The following SHANK2 variants were observed in gnomAD, a reference collection of about 807,000 sequenced individuals.
The protein encoded by SHANK2 is SH3 and multiple ankyrin repeat domains 2.
Under a neutral mutation model 133.7 loss-of-function variants are expected in SHANK2, and 43 were observed. That is an observed-to-expected ratio of 0.32 (90% CI 0.25 to 0.41). SHANK2 has a LOEUF of 0.41. Ranked by LOEUF, SHANK2 falls within the 10% of genes least tolerant of loss-of-function variation. SHANK2 has a pLI of 1.00. For missense variants in SHANK2, 1,994 were observed against 2,235.8 expected, an observed-to-expected ratio of 0.89 and a Z score of 2.18; for synonymous variants, 1,017 against 952.8, an observed-to-expected ratio of 1.07 and a Z score of -1.24.
At chr11:71,098,441 T>C (rs1391627651) in intron 6 of SHANK2, among the ~76,000 whole-genome samples, 1 of 152,216 alleles carries the variant, frequency 6.6e-6, no homozygotes, top group African/African-American at 2.4e-5. Context: ...CCCAGCTCTT[T>C]CCCTGAAGGG....
At position 70,534,333 on chromosome 11, in the gene SHANK2, C is replaced by T. The variant is rs192972093; in HGVS notation, c.2062-31402G>A. 4.6e-4 allele frequency among the ~76,000 whole-genome samples: 70 copies of T among 152,312 alleles called. 2 individuals are homozygous for T. The highest frequency in any genetic ancestry group is 2.5e-3 in the Admixed American group (38 of 15,300). On this transcript the variant is annotated intron_variant, in intron 17 of 25. Transcript: ENST00000601538. ...AACCATCAGATCTTGTGAAAATTCA[C>T]TCACTATCATGAGAACAGCATGAAG...
chr11:70,922,103 C>T (rs977387235), intron 10 of SHANK2, among the ~76,000 whole-genome samples: 3 of 152,136 alleles, frequency 2.0e-5, no homozygotes, highest in Non-Finnish European at 4.4e-5. Flanking sequence ...GGGAATCAAT[C>T]GTAAACTCTA....
chr11:71,086,448 T>C lies in SHANK2; in HGVS notation c.912+5974A>G, dbSNP rs1459589027. On this transcript the variant is annotated intron_variant, in intron 8 of 25. Transcript: ENST00000601538. ...TATTATATATTTATAATTTATATAT[T>C]ATATTATATATAATTATGTAATATA... Among the ~76,000 whole-genome samples the C allele has an allele frequency of 2.2e-5, 3 of 134,178 alleles. No individual in the cohort carries two copies. The Admixed American group carries it at 2.5e-4, about 11-fold the overall frequency. The allele number at this position is 134,178 out of a possible 152,430, so 88.0% of individuals were successfully genotyped here. A position where few individuals can be genotyped will look rare whatever the true frequency, so the allele number is the denominator to read the frequency against.
chr11:71,140,455 C>T (rs1952533170), intron 3 of SHANK2, among the ~76,000 whole-genome samples: 1 of 152,206 alleles, frequency 6.6e-6, no homozygotes, highest in African/African-American at 2.4e-5. Flanking sequence ...CCAAGGAAAG[C>T]GTCAAACAGG....
At chr11:71,123,424 G>A (rs1952115132) in intron 3 of SHANK2, among the ~76,000 whole-genome samples, 2 of 152,204 alleles carry the variant, frequency 1.3e-5, no homozygotes, top group Admixed American at 1.3e-4. Context: ...GCTTGGTAAG[G>A]AGCACACATC....
intron 8 of SHANK2, among the ~76,000 whole-genome samples, chr11:71,078,762 C>T (rs1213621213): frequency 1.3e-5 from 2 of 152,214 alleles, no homozygotes; most frequent in Non-Finnish European, 2.9e-5. Flanking sequence ...CACCCTTTTC[C>T]TAGCAATTCC....
At chr11:71,119,396 A>G (rs1370762942) in intron 3 of SHANK2, among the ~76,000 whole-genome samples, 2 of 152,128 alleles carry the variant, frequency 1.3e-5, no homozygotes, top group Non-Finnish European at 2.9e-5. Context: ...CCTAGCCAAC[A>G]TGGCGAAACC....
At chr11:70,643,455 T>C (rs2061214606) in intron 17 of SHANK2, among the ~76,000 whole-genome samples, 1 of 150,910 alleles carries the variant, frequency 6.6e-6, no homozygotes, top group East Asian at 2.0e-4. Context: ...TCCCAGCTCC[T>C]CAGGAGGCTG....
intron 17 of SHANK2, among the ~76,000 whole-genome samples, chr11:70,578,944 C>T (rs2060150956): frequency 6.6e-6 from 1 of 152,214 alleles, no homozygotes. Flanking sequence ...AGCGCATTCC[C>T]ACACACCTCA....
chr11:70,498,936 T>C (rs1024255340), intron 21 of SHANK2, among the ~76,000 whole-genome samples: 1 of 152,162 alleles, frequency 6.6e-6, no homozygotes, highest in Non-Finnish European at 1.5e-5. Context: ...TCTACAAGGA[T>C]CCTATTTCCA....
intron 11 of SHANK2, among the ~76,000 whole-genome samples, chr11:70,855,972 T>C (rs904014683): frequency 1.3e-5 from 2 of 151,790 alleles, no homozygotes; most frequent in Non-Finnish European, 2.9e-5. Context: ...AAGAAATGGA[T>C]AGATGAATAG....
chr11:70,863,313 T>C (rs782651663), intron 11 of SHANK2: 15 of 458,058 alleles, frequency 3.3e-5, no homozygotes, highest in African/African-American at 2.2e-4. Context: ...CCTGAGCTGA[T>C]GGCACAACTG....
At chr11:71,225,039 G>T (rs1331287854) in intron 1 of SHANK2, among the ~76,000 whole-genome samples, 1 of 152,190 alleles carries the variant, frequency 6.6e-6, no homozygotes, top group East Asian at 1.9e-4. Flanking sequence ...ACCAGCCAGG[G>T]ACATGGTGTG....
At chr11:71,072,450 C>T (rs939135632) in intron 9 of SHANK2, among the ~76,000 whole-genome samples, 22 of 152,212 alleles carry the variant, frequency 1.4e-4, no homozygotes, top group Non-Finnish European at 2.9e-4. Flanking sequence ...GATACATTCA[C>T]GTCCTGCTCT....
chr11:71,249,485 A>G (rs550331410), intron 1 of SHANK2, among the ~76,000 whole-genome samples: 43 of 152,152 alleles, frequency 2.8e-4, no homozygotes, highest in Non-Finnish European at 4.4e-4. Flanking sequence ...TGCTGCCCCA[A>G]GGAGGGGCCC....
chr11:70,774,317 G>T (rs1555043448), intron 14 of SHANK2, among the ~76,000 whole-genome samples: 1 of 150,868 alleles, frequency 6.6e-6, no homozygotes, highest in African/African-American at 2.4e-5. Context: ...AAATCGGGGA[G>T]TGACTTTTGT....
At chr11:70,914,821 T>G (rs1236352744) in intron 10 of SHANK2, among the ~76,000 whole-genome samples, 3 of 150,298 alleles carry the variant, frequency 2.0e-5, no homozygotes, top group Admixed American at 2.0e-4. Context: ...AGCCTAGGAA[T>G]TTGAGAATTT....
At chr11:70,538,215 T>C (rs2136011007) in intron 17 of SHANK2, among the ~76,000 whole-genome samples, 1 of 152,330 alleles carries the variant, frequency 6.6e-6, no homozygotes, top group African/African-American at 2.4e-5. Flanking sequence ...CAGCCCTGCC[T>C]GTGGACATAG....
chr11:71,222,741 G>A (rs1954574044), intron 2 of SHANK2, among the ~76,000 whole-genome samples: 1 of 152,236 alleles, frequency 6.6e-6, no homozygotes, highest in South Asian at 2.1e-4. Context: ...AGGGACTAAT[G>A]TCCTTCCCTC....
Sources: allele counts gnomAD v4.1 joint callset (sites outside exome capture counted in the v4.1 genomes callset), GRCh38; gene constraint gnomAD v4.1.1; transcripts MANE v1.5; gene names NCBI Gene and HGNC (gene_info 2026-07-23, HGNC 2026-07-21).